ATP2B4: variants seen among roughly 807,000 people sequenced by gnomAD.
The protein encoded by ATP2B4 is ATPase plasma membrane Ca2+ transporting 4, also known as plasma membrane calcium-transporting ATPase 4.
In ATP2B4, 39 loss-of-function variants were observed where a neutral mutation model predicts 110.3. That is an observed-to-expected ratio of 0.35 (90% CI 0.27 to 0.46). The LOEUF (loss-of-function observed/expected upper bound fraction) is 0.46. Among genes scored for constraint, ATP2B4 ranks in the 20% least tolerant of loss-of-function variants. ATP2B4 has a pLI of 1.00. For synonymous variants in ATP2B4, 538 were observed against 571.7 expected, an observed-to-expected ratio of 0.94 and a Z score of 0.84; for missense variants, 1,135 against 1,530.9, an observed-to-expected ratio of 0.74 and a Z score of 4.32.
rs762562774 is a variant in ATP2B4 at position 203,683,312 on chromosome 1, G to A, written c.107G>A (p.Arg36His). Reference protein sequence around the residue: ...VMELRKLMELRSRDALTQINV... With the variant: ...VMELRKLMELHSRDALTQINV... ...GAACTGAGGAAGCTCATGGAGCTGCGTTCAAGGGATGCACTGACCCAGATT... is the reference window on the plus strand; with the variant it reads ...GAACTGAGGAAGCTCATGGAGCTGCATTCAAGGGATGCACTGACCCAGATT... The change falls in exon 2 of 21, where the codon CGT (arginine) becomes CAT (histidine). Residue 36 changes from arginine to histidine, a missense_variant. Coordinates refer to ENST00000357681, the MANE Select transcript of ATP2B4 (RefSeq NM_001684.5). The A allele has an allele frequency of 2.0e-5, 32 of 1,614,092 alleles. 3 individuals carry two copies. Among genetic ancestry groups the A allele is most frequent in the Middle Eastern group, 3.3e-4 (2 of 6,084 alleles).
intron 2 of ATP2B4, among the ~76,000 whole-genome samples, chr1:203,685,625 T>A (rs1665156242): frequency 6.6e-6 from 1 of 152,184 alleles, no homozygotes; most frequent in African/African-American, 2.4e-5. Context: ...CTAAGGGAGC[T>A]TCCCTACCTG....
intron 1 of ATP2B4, among the ~76,000 whole-genome samples, chr1:203,639,045 C>T (rs776941712): frequency 1.3e-5 from 2 of 152,090 alleles, no homozygotes; most frequent in Non-Finnish European, 2.9e-5. Flanking sequence ...GAGATCTCCT[C>T]CTGCCGGGGT....
intron 14 of ATP2B4, among the ~76,000 whole-genome samples, chr1:203,713,957 A>G (rs753142266): frequency 6.6e-6 from 1 of 151,998 alleles, no homozygotes; most frequent in African/African-American, 2.4e-5. Context: ...AATCCATCCT[A>G]TGTGTTCTTC....
chr1:203,652,343 G>A (rs1164110539), intron 1 of ATP2B4, among the ~76,000 whole-genome samples: 4 of 151,736 alleles, frequency 2.6e-5, no homozygotes, highest in Non-Finnish European at 4.4e-5. Flanking sequence ...ACGGGGTTTC[G>A]CCATGTTGGC....
rs546129493 is a variant in ATP2B4 at position 203,679,989 on chromosome 1, A to G, written c.-464-2753A>G. Among the ~76,000 whole-genome samples the G allele has an allele frequency of 1.4e-5, 2 of 145,956 alleles. 1 individual carries two copies. The highest frequency in any genetic ancestry group is 4.6e-4 in the South Asian group (2 of 4,378). On this transcript the variant is annotated intron_variant, in intron 1 of 20. Coordinates refer to ENST00000357681, the MANE Select transcript of ATP2B4 (RefSeq NM_001684.5). ...GGCGGGAGAATCACTTGAACCTGGG[A>G]GGCGGAGGTTGCAGTGAGCCAAGAT...
intron 1 of ATP2B4, among the ~76,000 whole-genome samples, chr1:203,656,771 A>G (rs184202687): frequency 9.2e-5 from 14 of 152,364 alleles, no homozygotes; most frequent in Admixed American, 7.8e-4. Flanking sequence ...CTTTTTTTCA[A>G]TCATTCAATT....
At chr1:203,703,462 T>C (rs1300032822) in intron 7 of ATP2B4, among the ~76,000 whole-genome samples, 190 bp from the exon 8 acceptor site, 1 of 152,172 alleles carries the variant, frequency 6.6e-6, no homozygotes, top group Admixed American at 6.5e-5. Context: ...TAGAATATTA[T>C]TCCAAAGGCC....
chr1:203,675,705 G>A (rs982557997), intron 1 of ATP2B4, among the ~76,000 whole-genome samples: 7 of 152,146 alleles, frequency 4.6e-5, no homozygotes, highest in African/African-American at 1.7e-4. Context: ...CTTGGAGAGG[G>A]GGAAGTAAGT....
At chr1:203,645,419 T>C (rs2102310488) in intron 1 of ATP2B4, among the ~76,000 whole-genome samples, 1 of 152,330 alleles carries the variant, frequency 6.6e-6, no homozygotes, top group East Asian at 1.9e-4. Flanking sequence ...AGTTGCTTTA[T>C]AGCTTGGTCC....
At chr1:203,683,666 C>CTTTTTT (rs11326748) in intron 2 of ATP2B4, among the ~76,000 whole-genome samples, 46 of 77,696 alleles carry the variant, frequency 5.9e-4, no homozygotes, top group Middle Eastern at 0.014. Context: ...TCTTTTGTTT[C>CTTTTTT]TTTTTTTTTT....
At chr1:203,672,518 T>C (rs974559743) in intron 1 of ATP2B4, among the ~76,000 whole-genome samples, 1 of 152,090 alleles carries the variant, frequency 6.6e-6, no homozygotes, top group African/African-American at 2.4e-5. Context: ...GCTTGTCAAC[T>C]GGCCTGGAAA....
chr1:203,656,884 A>G (rs1664179576), intron 1 of ATP2B4: 2 of 520,702 alleles, frequency 3.8e-6, no homozygotes, highest in Non-Finnish European at 6.9e-6. Flanking sequence ...GCAGACATAT[A>G]TGGCTGTTTG....
At chr1:203,692,509 A>G (rs1665412555) in intron 2 of ATP2B4, among the ~76,000 whole-genome samples, 1 of 152,210 alleles carries the variant, frequency 6.6e-6, no homozygotes, top group Non-Finnish European at 1.5e-5. Context: ...CTTAAAAGGT[A>G]TTCTGCTGTC....
At chr1:203,707,822 G>A in intron 9 of ATP2B4, 40 bp from the exon 10 acceptor site, 1 of 1,608,384 alleles carries the variant, frequency 6.2e-7, no homozygotes, top group South Asian at 1.1e-5. Flanking sequence ...GGAGAGTCCA[G>A]TTAGTCCCCC....
At chr1:203,681,618 C>T (rs1355661682) in intron 1 of ATP2B4, among the ~76,000 whole-genome samples, 1 of 152,110 alleles carries the variant, frequency 6.6e-6, no homozygotes, top group Non-Finnish European at 1.5e-5. Context: ...TGAGAAGGGG[C>T]CTCAGGATAA....
intron 1 of ATP2B4, among the ~76,000 whole-genome samples, chr1:203,681,117 A>G (rs1030336082): frequency 2.6e-5 from 4 of 152,204 alleles, no homozygotes; most frequent in African/African-American, 9.7e-5. Flanking sequence ...CTTGTTTCCC[A>G]GATAAGAAGG....
chr1:203,660,982 G>A (rs1344766918), intron 1 of ATP2B4, among the ~76,000 whole-genome samples: 1 of 149,530 alleles, frequency 6.7e-6, no homozygotes, highest in Non-Finnish European at 1.5e-5. Flanking sequence ...TGGTGGGGTG[G>A]CCCTCTAGTT....
At chr1:203,681,565 AC>A (rs1665014270) in intron 1 of ATP2B4, among the ~76,000 whole-genome samples, 1 of 152,142 alleles carries the variant, frequency 6.6e-6, no homozygotes, top group Non-Finnish European at 1.5e-5. Context: ...TGTGGCAGTG[AC>A]ACCTGTCAGT....
In ATP2B4 at chr1:203,627,011, G is replaced by A. The variant is rs1345436716; in HGVS notation, c.-673G>A. 2 of 152,330 alleles carry A rather than the reference G, an allele frequency of 1.3e-5. No homozygotes were observed. Among genetic ancestry groups the A allele is most frequent in the Non-Finnish European group, 2.9e-5 (2 of 68,120 alleles). 9.4% of individuals were successfully genotyped at this position (152,330 alleles called of 1,614,324 possible). A position where few individuals can be genotyped will look rare whatever the true frequency, so the allele number is the denominator to read the frequency against. Reference sequence around the variant, plus strand: ...TGCACCCTTTTTCTTTCAGGAACCTGAGAGGTCCTTCCCATTGGAGGGGCA... The same window carrying A: ...TGCACCCTTTTTCTTTCAGGAACCTAAGAGGTCCTTCCCATTGGAGGGGCA... On this transcript the variant is annotated 5_prime_UTR_variant, in exon 1 of 21. Transcript: ENST00000357681.
Sources: allele counts gnomAD v4.1 joint callset (sites outside exome capture counted in the v4.1 genomes callset), GRCh38; gene constraint gnomAD v4.1.1; transcripts MANE v1.5; gene names NCBI Gene and HGNC (gene_info 2026-07-23, HGNC 2026-07-21).